Variants in CUBN observed in about 807,000 individuals in gnomAD.
CUBN encodes 460 kDa receptor.
CUBN carries 282 observed loss-of-function variants against 405.3 expected under a neutral mutation model. The ratio of observed to expected loss-of-function variants is 0.70; its 90% CI spans 0.63 to 0.77. The LOEUF is 0.77. Ranked by LOEUF, CUBN falls within the 30% of genes least tolerant of loss-of-function variation. CUBN has a pLI of 0.00. For synonymous variants in CUBN, 1,684 were observed against 1,617.0 expected, an observed-to-expected ratio of 1.04 and a Z score of -0.99; for missense variants, 4,514 against 4,475.2, an observed-to-expected ratio of 1.01 and a Z score of -0.25.
At chr10:16,963,719 C>G (rs1312976547) in intron 31 of CUBN, among the ~76,000 whole-genome samples, 1 of 151,932 alleles carries the variant, frequency 6.6e-6, no homozygotes. Context: ...TGTGTAGTGA[C>G]TAAAAGAATG....
intron 59 of CUBN, among the ~76,000 whole-genome samples, chr10:16,868,390 CAG>C (rs912060214): frequency 2.6e-5 from 4 of 152,174 alleles, no homozygotes; most frequent in African/African-American, 9.7e-5. Flanking sequence ...ATGGAAGAAA[CAG>C]AAAGTTTGAA....
intron 31 of CUBN, among the ~76,000 whole-genome samples, chr10:16,960,513 C>A (rs1843186909): frequency 6.6e-6 from 1 of 151,668 alleles, no homozygotes; most frequent in African/African-American, 2.4e-5. Flanking sequence ...AACAAAAAAC[C>A]CCCACAAAAA....
rs61032904 is a variant in CUBN at position 17,011,548 on chromosome 10, T to C, written c.4168+8285A>G. Among the ~76,000 whole-genome samples the C allele has an allele frequency of 4.5e-3, 683 of 152,160 alleles. 6 individuals carry two copies. Among genetic ancestry groups the C allele is most frequent in the African/African-American group, 0.016 (653 of 41,510 alleles). On this transcript the variant is annotated intron_variant, in intron 28 of 66. Coordinates refer to ENST00000377833, the MANE Select transcript of CUBN (RefSeq NM_001081.4). ...CCAGAGTGAGCAGCAGCAAGATTTATTGTGAAGAGTGAGAGAACAAAGCTT... is the reference window on the plus strand; with the variant it reads ...CCAGAGTGAGCAGCAGCAAGATTTACTGTGAAGAGTGAGAGAACAAAGCTT...
chr10:16,853,527 G>C (rs1358022486), intron 59 of CUBN, among the ~76,000 whole-genome samples: 1 of 152,146 alleles, frequency 6.6e-6, no homozygotes, highest in Admixed American at 6.5e-5. Context: ...TTTTGTTACA[G>C]GCACATTACT....
chr10:16,899,278 T>C, intron 53 of CUBN, 95 bp from the exon 54 acceptor site: 1 of 919,898 alleles, frequency 1.1e-6, no homozygotes. Context: ...AAATGTGAGA[T>C]TTCAATTCAT....
intron 28 of CUBN, among the ~76,000 whole-genome samples, chr10:16,996,846 A>T (rs1833748103): frequency 6.6e-6 from 1 of 152,226 alleles, no homozygotes; most frequent in African/African-American, 2.4e-5. Flanking sequence ...GGATGGCAGA[A>T]AAGGAAGAGA....
At chr10:17,084,496 A>G (rs1352054085) in intron 16 of CUBN, 35 bp from the exon 17 acceptor site, 1 of 1,590,574 alleles carries the variant, frequency 6.3e-7, no homozygotes, top group Non-Finnish European at 8.6e-7. Context: ...GGTCATGGCA[A>G]TGGCATTGCT....
At position 17,112,927 on chromosome 10, in the gene CUBN, GA is replaced by G. The variant is rs988723256; in HGVS notation, c.883+1099del. Among the ~76,000 whole-genome samples, 13 of 152,218 alleles carry G rather than the reference GA, an allele frequency of 8.5e-5. 1 individual carries two copies. Among genetic ancestry groups the G allele is most frequent in the Middle Eastern group, 3.4e-3 (1 of 294 alleles). The stretch of plus-strand genomic sequence containing the variant: ...TGTCTTGATTTTGTTGTAGTTAAAA[GA>G]ATTAAAAATTGCTTATACAATGCCT... On this transcript the variant is annotated intron_variant, in intron 8 of 66. Transcript: ENST00000377833.
At chr10:16,835,561 A>G (rs1839142965) in intron 63 of CUBN, among the ~76,000 whole-genome samples, 1 of 151,774 alleles carries the variant, frequency 6.6e-6, no homozygotes, top group South Asian at 2.1e-4. Flanking sequence ...AGAGTTTTGC[A>G]CAAGGATTTT....
intron 58 of CUBN, among the ~76,000 whole-genome samples, chr10:16,871,146 C>T (rs1194444261): frequency 1.3e-5 from 2 of 151,526 alleles, no homozygotes; most frequent in African/African-American, 2.4e-5. Context: ...TCTTGCCTCA[C>T]CCTCCCGAGT....
intron 31 of CUBN, among the ~76,000 whole-genome samples, chr10:16,971,433 C>T (rs1832931063): frequency 6.6e-6 from 1 of 152,208 alleles, no homozygotes; most frequent in South Asian, 2.1e-4. Flanking sequence ...CTGCAGACCT[C>T]CTGTCCCCTT....
chr10:16,964,850 C>T (rs12354787), intron 31 of CUBN, among the ~76,000 whole-genome samples: 8,673 of 152,290 alleles, frequency 0.057, 354 homozygotes, highest in Non-Finnish European at 0.088. Context: ...CTAATATCTA[C>T]AACTGTGCCC....
chr10:16,861,003 C>CT (rs1839996572), intron 59 of CUBN, among the ~76,000 whole-genome samples: 1 of 152,170 alleles, frequency 6.6e-6, no homozygotes, highest in Admixed American at 6.5e-5. Context: ...CCATGCCTGG[C>CT]CTTTGCATAT....
intron 5 of CUBN, among the ~76,000 whole-genome samples, chr10:17,123,126 A>C (rs1837085541): frequency 6.6e-6 from 1 of 152,226 alleles, no homozygotes; most frequent in Non-Finnish European, 1.5e-5. Context: ...ACAGGAGAGG[A>C]ATCCTTATCT....
At chr10:16,836,866 A>C (rs1251407890) in intron 62 of CUBN, among the ~76,000 whole-genome samples, 2 of 152,156 alleles carry the variant, frequency 1.3e-5, no homozygotes, top group Non-Finnish European at 2.9e-5. Context: ...GCCTGTCATG[A>C]GGTACCGGTT....
At chr10:16,870,542 A>G (rs1588606308) in intron 58 of CUBN, among the ~76,000 whole-genome samples, 1 of 152,246 alleles carries the variant, frequency 6.6e-6, no homozygotes, top group Non-Finnish European at 1.5e-5. Flanking sequence ...GACCACAGAA[A>G]TGTAAGCAGA....
At chr10:16,978,145 C>T (rs1833152537) in intron 31 of CUBN, among the ~76,000 whole-genome samples, 1 of 152,160 alleles carries the variant, frequency 6.6e-6, no homozygotes, top group Non-Finnish European at 1.5e-5. Flanking sequence ...TTTCATTTTA[C>T]CTAAGATACG....
intron 27 of CUBN, among the ~76,000 whole-genome samples, chr10:17,021,616 G>C (rs1198818937): frequency 3.9e-5 from 6 of 152,128 alleles, no homozygotes; most frequent in Non-Finnish European, 7.4e-5. Flanking sequence ...TGGATTCAAT[G>C]AATTCCAGAC....
chr10:17,049,081 C>G (rs1225351226), intron 22 of CUBN, among the ~76,000 whole-genome samples: 1 of 151,988 alleles, frequency 6.6e-6, no homozygotes, highest in African/African-American at 2.4e-5. Flanking sequence ...TGTAGTCTGC[C>G]AAAATATTTC....
Sources: gnomAD v4.1 joint callset for allele counts (sites outside exome capture counted in the v4.1 genomes callset) on GRCh38, gnomAD v4.1.1 for gene constraint, MANE v1.5 for transcripts, NCBI Gene and HGNC (gene_info 2026-07-23, HGNC 2026-07-21) for gene names.